The following FLG variants were observed in gnomAD, a reference collection of about 807,000 sequenced individuals.
FLG encodes epidermal filaggrin.
In FLG, 6 loss-of-function variants were observed where a neutral mutation model predicts 3.8. That is an observed-to-expected ratio of 1.60 (90% CI 0.87 to 3.15). FLG has a LOEUF of 3.15. Ranked by LOEUF, FLG falls within the 30% of genes most tolerant of loss-of-function variation. FLG has a pLI of 0.00. For missense variants in FLG, 7,595 were observed against 5,050.9 expected (o/e 1.50, Z -15.27); for synonymous variants, 2,551 against 1,931.6 (o/e 1.32, Z -8.41).
At position 152,311,907 on chromosome 1, in the gene FLG, G is replaced by A. The variant is rs533911903; in HGVS notation, c.2979C>T (p.Ala993=). 97 of 1,614,000 alleles carry A rather than the reference G, an allele frequency of 6.0e-5. 1 individual carries two copies. Among genetic ancestry groups the A allele is most frequent in the Middle Eastern group, 3.3e-4 (2 of 6,062 alleles). ...RHPRSHHEDR[A]GHGHSADSSR... ...AGCTGTCTGCAGAGTGCCCGTGACC[G>A]GCTCTGTCTTCGTGATGGGACCTGG... The change falls in exon 3 of 3, where the codon GCC becomes GCT. Residue 993 remains alanine, a synonymous_variant. Transcript: ENST00000368799.
In FLG at chr1:152,309,668, C is replaced by T. The variant is rs769748998; in HGVS notation, c.5218G>A (p.Ala1740Thr). 31 of 1,613,968 alleles carry T rather than the reference C, an allele frequency of 1.9e-5. No homozygotes were observed. The highest frequency in any genetic ancestry group is 2.2e-5 in the Non-Finnish European group (26 of 1,179,992). ...DTQSVSAHGQAGPHQQSHQES... is the reference protein window; with the variant it reads ...DTQSVSAHGQTGPHQQSHQES... ...TGGTGGCTCTGCTGATGGGGCCCAG[C>T]CTGTCCGTGGGCTGACACTGACTGT... Residue 1740 changes from alanine (A) to threonine (T), a missense_variant, in exon 3 of 3, where the codon GCT becomes ACT. Coordinates refer to ENST00000368799, the MANE Select transcript of FLG (RefSeq NM_002016.2).
chr1:152,309,774 A>G lies in FLG; in HGVS notation c.5112T>C (p.Ser1704=). 1.9e-6 allele frequency: 3 copies of G among 1,613,758 alleles called. No individual in the cohort carries two copies. Among genetic ancestry groups the G allele is most frequent in the Non-Finnish European group, 1.7e-6 (2 of 1,179,938 alleles). Residue 1704 remains serine, a synonymous_variant, in exon 3 of 3, where the codon TCT becomes TCC. Coordinates refer to ENST00000368799, the MANE Select transcript of FLG (RefSeq NM_002016.2). ...CTCGGTTTCCACTGTCTCCGACTAC[A>G]GATGAATCTTGTCTGCGCCCAGTGC... is the stretch of plus-strand genomic sequence containing the variant. ...DSGTGRRQDS[S]VVGDSGNRGS... is the part of the protein sequence containing the mutation.
In FLG at chr1:152,314,321, C is replaced by G; in HGVS notation, c.565G>C (p.Glu189Gln). ...NSSKKEKNKTENTRLGDNRKR... is the reference protein window; with the variant it reads ...NSSKKEKNKTQNTRLGDNRKR... Reference sequence around the variant, plus strand: ...CTATTGTCTCCTAATCTAGTATTTTCAGTCTTGTTTTTCTCTTTTTTACTT... The same window carrying G: ...CTATTGTCTCCTAATCTAGTATTTTGAGTCTTGTTTTTCTCTTTTTTACTT... The change falls in exon 3 of 3, where the codon GAA becomes CAA. Residue 189 changes from glutamate to glutamine, a missense_variant. Physicochemically the swap from Glu to Gln is conservative, Grantham distance 29. Coordinates refer to ENST00000368799, the MANE Select transcript of FLG (RefSeq NM_002016.2). The G allele has an allele frequency of 6.2e-7, 1 of 1,613,248 alleles. No individual in the cohort carries two copies. The highest frequency in any genetic ancestry group is 2.2e-5 in the East Asian group (1 of 44,830).
chr1:152,312,602 C>T lies in FLG; in HGVS notation c.2284G>A (p.Val762Met). 2.6e-6 allele frequency: 4 copies of T among 1,553,492 alleles called. No homozygotes were observed. Among genetic ancestry groups the T allele is most frequent in the African/African-American group, 1.3e-5 (1 of 74,348 alleles). The change falls in exon 3 of 3, where the codon GTG (valine) becomes ATG (methionine). Residue 762 changes from valine (V) to methionine (M), a missense_variant. By Grantham distance (21) the Val-to-Met change is conservative (BLOSUM62 1). Transcript: ENST00000368799. Reference sequence around the variant, plus strand: ...TGACCAGCCTGTCCATGGCCTGACACTGACTGTGTGTCTGAGTCTTCTGAA... The same window carrying T: ...TGACCAGCCTGTCCATGGCCTGACATTGACTGTGTGTCTGAGTCTTCTGAA... ...GHSEDSDTQSVSGHGQAGHHQ... is the reference protein window; with the variant it reads ...GHSEDSDTQSMSGHGQAGHHQ...
Position 152,310,588 on chromosome 1 carries a change from T to A in FLG, c.4298A>T (p.Glu1433Val), listed in dbSNP as rs745318087. The change falls in exon 3 of 3, where the codon GAA becomes GTA. Residue 1433 changes from glutamate (E) to valine (V), a missense_variant. Glu to Val is a moderately radical substitution (Grantham distance 121). Transcript: ENST00000368799. ...HKESARGQSG[E>V]SSGRSRSFLY... is the part of the protein sequence containing the mutation. ...GAAAGACCTTGAACGTCCAGAGCTT[T>A]CCCCTGACTGGCCACGTGCGGACTC... 1 of 1,613,846 alleles carries A rather than the reference T, an allele frequency of 6.2e-7. No homozygotes were observed. The highest frequency in any genetic ancestry group is 1.3e-5 in the African/African-American group (1 of 74,942).
Position 152,306,951 on chromosome 1 carries a change from C to T in FLG, c.7935G>A (p.Gln2645=). Residue 2645 remains glutamine (Q), a synonymous_variant, in exon 3 of 3, where the codon CAG becomes CAA. Transcript: ENST00000368799. ...SGGQAASSHE[Q]ARSSAGERHG... is the part of the protein sequence containing the mutation. ...GTCTTTCTCCTGCACTTGATCTTGC[C>T]TGTTCATGGGATGATGCAGCCTGTC... The T allele has an allele frequency of 1.3e-6, 2 of 1,514,978 alleles. No individual in the cohort carries two copies. Among genetic ancestry groups the T allele is most frequent in the South Asian group, 1.1e-5 (1 of 87,664 alleles). The allele number at this position is 1,514,978 out of a possible 1,614,324, so 93.8% of individuals were successfully genotyped here. A position where few individuals can be genotyped will look rare whatever the true frequency, so the allele number is the denominator to read the frequency against.
chr1:152,317,859 G>T (rs1278571539), intron 1 of FLG, among the ~76,000 whole-genome samples: 1 of 151,788 alleles, frequency 6.6e-6, no homozygotes, highest in Admixed American at 6.6e-5. Flanking sequence ...TAAAAATGTC[G>T]CACACCCGTT....
chr1:152,317,302 T>G (rs1652817834), intron 1 of FLG, among the ~76,000 whole-genome samples: 1 of 152,070 alleles, frequency 6.6e-6, no homozygotes, highest in African/African-American at 2.4e-5. Context: ...TCTGTTCCCT[T>G]TTATAGCAAA....
In FLG at chr1:152,313,681, C is replaced by T. The variant is rs138721961; in HGVS notation, c.1205G>A (p.Arg402His). ...GCTGACTGCAGATGAAGCTTGCCCG[C>T]GCCCAGTGGCTGAGTGTCTGGAGCT... ...ADSSRHSATG[R>H]GQASSAVSDR... Residue 402 changes from arginine to histidine, a missense_variant, in exon 3 of 3, where the codon CGC becomes CAC. Coordinates refer to ENST00000368799, the MANE Select transcript of FLG (RefSeq NM_002016.2). 359 of 1,614,054 alleles carry T rather than the reference C, an allele frequency of 2.2e-4. 2 individuals are homozygous for T. The highest frequency in any genetic ancestry group is 1.4e-3 in the South Asian group (124 of 91,062).
At position 152,307,930 on chromosome 1, in the gene FLG, T is replaced by C. The variant is rs779317800; in HGVS notation, c.6956A>G (p.His2319Arg). 2 of 1,613,426 alleles carry C rather than the reference T, an allele frequency of 1.2e-6. No individual in the cohort carries two copies. The highest frequency in any genetic ancestry group is 1.3e-5 in the African/African-American group (1 of 74,914). ...NSSGGQAASS[H>R]EQARSSAGER... is the part of the protein sequence containing the mutation. ...TCCTGCACTTGATCTTGCCTGTTCA[T>C]GGGATGATGCAGCCTGTCCACCAGA... Residue 2319 changes from histidine (H) to arginine (R), a missense_variant, in exon 3 of 3, where the codon CAT (histidine) becomes CGT (arginine). Transcript: ENST00000368799.
intron 1 of FLG, among the ~76,000 whole-genome samples, chr1:152,324,443 T>C (rs532216205): frequency 4.6e-5 from 7 of 152,026 alleles, no homozygotes; most frequent in African/African-American, 1.7e-4. Context: ...AAGTTTACTC[T>C]TGCTTAGAAT....
Position 152,308,171 on chromosome 1 carries a change from G to C in FLG, c.6715C>G (p.Arg2239Gly). The C allele has an allele frequency of 6.2e-7, 1 of 1,613,890 alleles. No homozygotes were observed. Among genetic ancestry groups the C allele is most frequent in the Non-Finnish European group, 8.5e-7 (1 of 1,179,960 alleles). ...CTGTCCTGGCTAACACTGGATCCCCGGGGCCTGCTTGTCCTGGGCCCTGAT... is the reference window on the plus strand; with the variant it reads ...CTGTCCTGGCTAACACTGGATCCCCCGGGCCTGCTTGTCCTGGGCCCTGAT... ...QSSGPRTSRPRGSSVSQDSDS... is the reference protein window; with the variant it reads ...QSSGPRTSRPGGSSVSQDSDS... Residue 2239 changes from arginine to glycine, a missense_variant, in exon 3 of 3, where the codon CGG becomes GGG. By Grantham distance (125) the Arg-to-Gly change is moderately radical. Coordinates refer to ENST00000368799, the MANE Select transcript of FLG (RefSeq NM_002016.2).
chr1:152,303,009 T>C lies in FLG; in HGVS notation c.11877A>G (p.Gln3959=), dbSNP rs780476362. ...SPHSSSSYHY[Q]SEGTERQKGQ... is the part of the protein sequence containing the mutation. ...CTTTTTGCCTTTCAGTGCCCTCAGA[T>C]TGATAATGATAAGAACTAGAACTGT... The change falls in exon 3 of 3, where the codon CAA becomes CAG. Residue 3959 remains glutamine (Q), a synonymous_variant. Coordinates refer to ENST00000368799, the MANE Select transcript of FLG (RefSeq NM_002016.2). 44 of 1,614,030 alleles carry C rather than the reference T, an allele frequency of 2.7e-5. No individual in the cohort carries two copies. In the Middle Eastern group the frequency reaches 6.6e-4, roughly 24 times the overall value.
At position 152,309,834 on chromosome 1, in the gene FLG, G is replaced by A. The variant is rs754076126; in HGVS notation, c.5052C>T (p.Arg1684=). ...RSSPGERHGS[R]HQQSADSSTD... is the part of the protein sequence containing the mutation. ...TGGAGCTGTCTGCTGACTGCTGGTG[G>A]CGGGATCCATGTCTTTCTCCTGGAC... Residue 1684 remains arginine (R), a synonymous_variant, in exon 3 of 3, where the codon CGC becomes CGT. Transcript: ENST00000368799. 1.2e-6 allele frequency: 2 copies of A among 1,613,956 alleles called. No homozygotes were observed. Among genetic ancestry groups the A allele is most frequent in the African/African-American group, 2.7e-5 (2 of 74,878 alleles).
In FLG at chr1:152,302,580, A is replaced by T; in HGVS notation, c.*120T>A. 5.5e-6 allele frequency: 7 copies of T among 1,273,986 alleles called. No individual in the cohort carries two copies. The highest frequency in any genetic ancestry group is 4.3e-5 in the South Asian group (3 of 69,394). The allele number at this position is 1,273,986 out of a possible 1,614,324, so 78.9% of individuals were successfully genotyped here. A position where few individuals can be genotyped will look rare whatever the true frequency, so the allele number is the denominator to read the frequency against. ...CACCAAACTAATGAAATACTATAGC[A>T]TATTTTAAACAGATTGACAGGAAAA... On this transcript the variant is annotated 3_prime_UTR_variant, in exon 3 of 3. Transcript: ENST00000368799.
chr1:152,310,503 G>T lies in FLG; in HGVS notation c.4383C>A (p.Ser1461Arg). The change falls in exon 3 of 3, where the codon AGC (serine) becomes AGA (arginine). Residue 1461 changes from serine (S) to arginine (R), a missense_variant. Transcript: ENST00000368799. ...SESTHGQTAPSTGGRQGSRHE... is the reference protein window; with the variant it reads ...SESTHGQTAPRTGGRQGSRHE... ...GGCGGGATCCTTGTCTTCCTCCAGT[G>T]CTGGGTGCAGTCTGTCCGTGTGTGG... 6.2e-7 allele frequency: 1 copy of T among 1,613,736 alleles called. No homozygotes were observed. The highest frequency in any genetic ancestry group is 8.5e-7 in the Non-Finnish European group (1 of 1,179,888).
chr1:152,307,846 C>G lies in FLG; in HGVS notation c.7040G>C (p.Gly2347Ala), dbSNP rs1042544641. 5.6e-6 allele frequency: 9 copies of G among 1,612,748 alleles called. No homozygotes were observed. Among genetic ancestry groups the G allele is most frequent in the African/African-American group, 4.0e-5 (3 of 74,288 alleles). ...GACTGCAGATGAAGCTTGTCCGTGC[C>G]CAATGCCTGAGTGTCTGGAGCTGTC... ...SADSSRHSGI[G>A]HGQASSAVRD... The change falls in exon 3 of 3, where the codon GGG (glycine) becomes GCG (alanine). Residue 2347 changes from glycine to alanine, a missense_variant. By Grantham distance (60) the Gly-to-Ala change is moderately conservative. Transcript: ENST00000368799.
rs138420878 is a variant in FLG, at chr1:152,303,704, C to A, written c.11182G>T (p.Gly3728Trp). 26 of 1,613,916 alleles carry A rather than the reference C, an allele frequency of 1.6e-5. No homozygotes were observed. The highest frequency in any genetic ancestry group is 8.5e-6 in the Non-Finnish European group (10 of 1,180,006). The stretch of plus-strand genomic sequence containing the variant: ...CCTTGTCTTCCTCCAGTACTGGGCC[C>A]AGCCCGTCCATGGGCAGACTCAGAC... ...EQSESAHGRA[G>W]PSTGGRQGSR... Residue 3728 changes from glycine (G) to tryptophan (W), a missense_variant, in exon 3 of 3, where the codon GGG becomes TGG. Coordinates refer to ENST00000368799, the MANE Select transcript of FLG (RefSeq NM_002016.2).
In FLG at chr1:152,314,210, T is replaced by G; in HGVS notation, c.676A>C (p.Lys226Gln). The G allele has an allele frequency of 6.2e-7, 1 of 1,614,048 alleles. No individual in the cohort carries two copies. Among genetic ancestry groups the G allele is most frequent in the East Asian group, 2.2e-5 (1 of 44,874 alleles). Residue 226 changes from lysine to glutamine, a missense_variant, in exon 3 of 3, where the codon AAA becomes CAA. Transcript: ENST00000368799. The part of the protein sequence containing the change: ...DYENTGRMTQ[K>Q]WIQSGHIATY... ...GCAATATGGCCTGATTGTATCCATT[T>G]TTGAGTCATTCTTCCTGTATTTTCA...
Sources: gnomAD v4.1 joint callset for allele counts (sites outside exome capture counted in the v4.1 genomes callset) on GRCh38, gnomAD v4.1.1 for gene constraint, MANE v1.5 for transcripts, NCBI Gene and HGNC (gene_info 2026-07-23, HGNC 2026-07-21) for gene names.